Variants in TBC1D22A observed in about 807,000 individuals in gnomAD.
TBC1D22A encodes the protein TBC1 domain family member 22A.
TBC1D22A carries 38 observed loss-of-function variants against 60.2 expected under a neutral mutation model. The ratio of observed to expected loss-of-function variants is 0.63; its 90% CI spans 0.49 to 0.83. The LOEUF is 0.83. Ranked by LOEUF, TBC1D22A falls within the 40% of genes least tolerant of loss-of-function variation. The pLI, the probability that TBC1D22A is intolerant of heterozygous loss-of-function variation, is 0.00. For synonymous variants in TBC1D22A, 302 were observed against 281.7 expected (o/e 1.07, Z -0.72); for missense variants, 628 against 701.0 (o/e 0.90, Z 1.18).
chr22:46,798,494 C>T lies in TBC1D22A; in HGVS notation c.637+874C>T, dbSNP rs115411406. Among the ~76,000 whole-genome samples the T allele has an allele frequency of 1.9e-3, 288 of 152,380 alleles. 1 individual carries two copies. The highest frequency in any genetic ancestry group is 6.7e-3 in the African/African-American group (279 of 41,590). ...TGCGCGAGTTGCTTCCAGGCACACG[C>T]AGTGCCCATGTGGACTGCCGTGGCC... On this transcript the variant is annotated intron_variant, in intron 4 of 12. Coordinates refer to ENST00000337137, the MANE Select transcript of TBC1D22A (RefSeq NM_014346.5).
intron 7 of TBC1D22A, 140 bp from the exon 8 acceptor site, chr22:46,911,933 AT>A: frequency 4.3e-6 from 2 of 460,412 alleles, no homozygotes; most frequent in Non-Finnish European, 7.1e-6. Flanking sequence ...AAAAAAAAAA[AT>A]TGATATTTGT....
At chr22:46,915,911 G>T in intron 8 of TBC1D22A, 1 of 449,460 alleles carries the variant, frequency 2.2e-6, no homozygotes. Context: ...TTCCAACTCT[G>T]CACATGCTGG....
intron 9 of TBC1D22A, among the ~76,000 whole-genome samples, chr22:46,983,018 G>A (rs2074576239): frequency 6.6e-6 from 1 of 152,252 alleles, no homozygotes; most frequent in Non-Finnish European, 1.5e-5. Context: ...CATTATGTAG[G>A]AATGCTGCAC....
At chr22:46,908,084 C>T (rs948148034) in intron 7 of TBC1D22A, among the ~76,000 whole-genome samples, 2 of 152,216 alleles carry the variant, frequency 1.3e-5, no homozygotes, top group African/African-American at 4.8e-5. Context: ...TCTTGGAAAG[C>T]CACGGGGGCC....
intron 11 of TBC1D22A, among the ~76,000 whole-genome samples, chr22:47,107,005 G>C (rs577260299): frequency 6.6e-6 from 1 of 152,240 alleles, no homozygotes; most frequent in Non-Finnish European, 1.5e-5. Context: ...ACATAGCTAG[G>C]GAAGATTAGG....
At chr22:46,946,591 AG>A (rs2072559114) in intron 8 of TBC1D22A, among the ~76,000 whole-genome samples, 1 of 152,158 alleles carries the variant, frequency 6.6e-6, no homozygotes, top group Non-Finnish European at 1.5e-5. Flanking sequence ...GTGCACAAGG[AG>A]GGCCTCTGGG....
intron 10 of TBC1D22A, among the ~76,000 whole-genome samples, chr22:47,014,803 G>C (rs1011239946): frequency 6.6e-6 from 1 of 152,152 alleles, no homozygotes; most frequent in Non-Finnish European, 1.5e-5. Flanking sequence ...GGTGTGGTGG[G>C]GGGGACTGCT....
At chr22:46,889,888 G>A (rs1439761039) in intron 5 of TBC1D22A, among the ~76,000 whole-genome samples, 1 of 152,176 alleles carries the variant, frequency 6.6e-6, no homozygotes, top group African/African-American at 2.4e-5. Flanking sequence ...ATAGAAGTGT[G>A]TCTGTATCTT....
At chr22:46,910,807 G>T (rs2069859475) in intron 7 of TBC1D22A, among the ~76,000 whole-genome samples, 1 of 152,010 alleles carries the variant, frequency 6.6e-6, no homozygotes, top group African/African-American at 2.4e-5. Context: ...GGCTTTCCAG[G>T]CAGAGGTAGG....
At chr22:46,880,569 G>A (rs1293042516) in intron 5 of TBC1D22A, among the ~76,000 whole-genome samples, 1 of 152,186 alleles carries the variant, frequency 6.6e-6, no homozygotes, top group Admixed American at 6.5e-5. Context: ...TTAGACACTA[G>A]CCTGCCATTA....
chr22:46,874,690 T>C (rs528861674), intron 4 of TBC1D22A, among the ~76,000 whole-genome samples: 45 of 149,038 alleles, frequency 3.0e-4, no homozygotes, highest in Admixed American at 2.4e-3. Flanking sequence ...TCTCCTGCCT[T>C]AGCCTCCCAA....
intron 4 of TBC1D22A, among the ~76,000 whole-genome samples, chr22:46,837,403 A>G (rs1334733451): frequency 6.6e-6 from 1 of 152,232 alleles, no homozygotes; most frequent in East Asian, 1.9e-4. Flanking sequence ...GGACCTAACA[A>G]GATATAGACA....
intron 11 of TBC1D22A, among the ~76,000 whole-genome samples, chr22:47,045,665 G>A (rs1367278698): frequency 6.6e-6 from 1 of 152,128 alleles, no homozygotes; most frequent in East Asian, 1.9e-4. Context: ...TTGCTCACTA[G>A]TCCCTTACTG....
chr22:46,892,252 A>G (rs957801855), intron 6 of TBC1D22A, among the ~76,000 whole-genome samples: 1 of 151,630 alleles, frequency 6.6e-6, no homozygotes, highest in African/African-American at 2.4e-5. Flanking sequence ...TTTCTCTTTC[A>G]GTTGTGGGAT....
At chr22:46,909,353 C>T (rs985997869) in intron 7 of TBC1D22A, among the ~76,000 whole-genome samples, 13 of 152,210 alleles carry the variant, frequency 8.5e-5, no homozygotes, top group Admixed American at 8.5e-4. Flanking sequence ...TGCAGTGCGA[C>T]TGCCCCCTGC....
In TBC1D22A at chr22:46,852,547, G is replaced by A. The variant is rs186486977; in HGVS notation, c.638-26106G>A. ...GGTCCTTGTTTTCTCAGGGGTGGAC[G>A]AATCTGCCTCTGGAGACATCATACT... On this transcript the variant is annotated intron_variant, in intron 4 of 12. Coordinates refer to ENST00000337137, the MANE Select transcript of TBC1D22A (RefSeq NM_014346.5). Among the ~76,000 whole-genome samples, 226 of 152,316 alleles carry A rather than the reference G, an allele frequency of 1.5e-3. 1 individual carries two copies. The highest frequency in any genetic ancestry group is 5.1e-3 in the African/African-American group (211 of 41,554).
chr22:46,843,006 CTGAGTGTCTGCAG>C, intron 4 of TBC1D22A, among the ~76,000 whole-genome samples: 1 of 152,192 alleles, frequency 6.6e-6, no homozygotes, highest in Non-Finnish European at 1.5e-5. Flanking sequence ...TTGGCTGTCT[CTGAGTGTCTGCAG>C]TGCCTCGAGC....
At chr22:46,833,925 T>C (rs1056275447) in intron 4 of TBC1D22A, among the ~76,000 whole-genome samples, 4 of 152,254 alleles carry the variant, frequency 2.6e-5, no homozygotes, top group African/African-American at 9.6e-5. Context: ...AATTGGGTTT[T>C]TGTTCCCATT....
chr22:47,009,954 A>C lies in TBC1D22A; in HGVS notation c.1201+12245A>C, dbSNP rs115522062. On this transcript the variant is annotated intron_variant, in intron 10 of 12. Transcript: ENST00000337137. This position sits in a 1 kb window ranked among gnomAD's most constrained non-coding sequence, Gnocchi z 5.8. Reference sequence around the variant, plus strand: ...GGCTGAGTCTGAGTCAGGGGCACCGAGGTGACAGTGGCCATTGTTATTAGT... The same window carrying C: ...GGCTGAGTCTGAGTCAGGGGCACCGCGGTGACAGTGGCCATTGTTATTAGT... 3.9e-3 allele frequency among the ~76,000 whole-genome samples: 590 copies of C among 152,366 alleles called. 4 individuals are homozygous for C. The highest frequency in any genetic ancestry group is 0.014 in the African/African-American group (563 of 41,592).
Sources: gnomAD v4.1 joint callset for allele counts (sites outside exome capture counted in the v4.1 genomes callset) on GRCh38, gnomAD v4.1.1 for gene constraint, Gnocchi (gnomAD v3.1) non-coding constraint, MANE v1.5 for transcripts, NCBI Gene and HGNC (gene_info 2026-07-23, HGNC 2026-07-21) for gene names.